The following EIF2AK2 variants were observed in gnomAD, a reference collection of about 807,000 sequenced individuals.
The protein encoded by EIF2AK2 is eukaryotic translation initiation factor 2 alpha kinase 2, also known as interferon-induced, double-stranded RNA-activated protein kinase.
A neutral mutation model predicts 70.5 loss-of-function variants in EIF2AK2; 40 were observed. The ratio of observed to expected loss-of-function variants is 0.57; its 90% confidence interval spans 0.44 to 0.74. EIF2AK2 has a LOEUF of 0.74. Ranked by LOEUF, EIF2AK2 falls within the 30% of genes least tolerant of loss-of-function variation. EIF2AK2 has a pLI of 0.00. For synonymous variants in EIF2AK2, 198 were observed against 220.9 expected, an observed-to-expected ratio of 0.90 and a Z score of 0.92; for missense variants, 555 against 644.3, an observed-to-expected ratio of 0.86 and a Z score of 1.50.
At chr2:37,150,543 G>A (rs1358354158) in intron 1 of EIF2AK2, among the ~76,000 whole-genome samples, 1 of 152,018 alleles carries the variant, frequency 6.6e-6, no homozygotes, top group Non-Finnish European at 1.5e-5. Context: ...AGATTGCTTT[G>A]CATGGCCATT....
chr2:37,101,717 A>G lies in EIF2AK2; in HGVS notation c.*5556T>C, dbSNP rs533743197. The G allele has an allele frequency of 6.6e-6, 1 of 152,334 alleles. No individual in the cohort carries two copies. Among genetic ancestry groups the G allele is most frequent in the African/African-American group, 2.4e-5 (1 of 41,580 alleles). The allele number at this position is 152,334 out of a possible 1,614,324, so 9.4% of individuals were successfully genotyped here. On this transcript the variant is annotated 3_prime_UTR_variant, in exon 17 of 17. Coordinates refer to ENST00000233057, the MANE Select transcript of EIF2AK2 (RefSeq NM_001135651.3). ...GAAAAGAACTAAAACGCAGGGGTAA[A>G]TTTTACAGAGTAAAGGAGACACATC...
At chr2:37,113,753 G>A (rs1674240149) in intron 14 of EIF2AK2, among the ~76,000 whole-genome samples, 1 of 152,016 alleles carries the variant, frequency 6.6e-6, no homozygotes, top group Non-Finnish European at 1.5e-5. Context: ...CTAAAAATCT[G>A]GAAAATACAA....
At chr2:37,143,586 C>A (rs185731928) in intron 4 of EIF2AK2, among the ~76,000 whole-genome samples, 1 of 152,004 alleles carries the variant, frequency 6.6e-6, no homozygotes, top group Non-Finnish European at 1.5e-5. Context: ...AACAATACAG[C>A]ATAACAACTA....
intron 10 of EIF2AK2, among the ~76,000 whole-genome samples, chr2:37,128,897 A>C (rs1674844383): frequency 6.6e-6 from 1 of 152,216 alleles, no homozygotes; most frequent in Admixed American, 6.5e-5. Flanking sequence ...TAAGGCAGTT[A>C]ATTATGAAAA....
At chr2:37,111,755 G>A (rs1674155638) in intron 14 of EIF2AK2, among the ~76,000 whole-genome samples, 1 of 148,952 alleles carries the variant, frequency 6.7e-6, no homozygotes, top group Non-Finnish European at 1.5e-5. Flanking sequence ...CTACTGAGGG[G>A]GCTGAGGCAG....
At chr2:37,146,638 A>C (rs572579270) in intron 4 of EIF2AK2, among the ~76,000 whole-genome samples, 1 of 152,314 alleles carries the variant, frequency 6.6e-6, no homozygotes, top group African/African-American at 2.4e-5. Context: ...CTGACACTCT[A>C]AATAACTATT....
chr2:37,150,011 G>A (rs1327555155), intron 1 of EIF2AK2, among the ~76,000 whole-genome samples: 1 of 152,076 alleles, frequency 6.6e-6, no homozygotes, highest in Non-Finnish European at 1.5e-5. Context: ...TGGATTTGTA[G>A]AAGAAGTCAC....
intron 8 of EIF2AK2, among the ~76,000 whole-genome samples, chr2:37,137,836 G>A (rs966915962): frequency 2.6e-5 from 4 of 152,114 alleles, no homozygotes; most frequent in African/African-American, 9.7e-5. Flanking sequence ...TGCCGAGCCG[G>A]GCGCGGTGGC....
At chr2:37,109,825 C>G (rs1674084238) in intron 14 of EIF2AK2, among the ~76,000 whole-genome samples, 1 of 152,192 alleles carries the variant, frequency 6.6e-6, no homozygotes, top group Non-Finnish European at 1.5e-5. Flanking sequence ...CAAAGAGTAC[C>G]TACTGTATGA....
rs1269275002 is a variant in EIF2AK2 at position 37,099,435 on chromosome 2, TGAA to T, written c.*7835_*7837del. ...CAGTGTAATGAAATTAGCAGTATAA[TGAA>T]GAAAAGTGCTGTGTAGGAATGACTG... On this transcript the variant is annotated 3_prime_UTR_variant, in exon 17 of 17. Transcript: ENST00000233057. The T allele has an allele frequency of 2.0e-5, 3 of 152,176 alleles. No homozygotes were observed. Among genetic ancestry groups the T allele is most frequent in the Admixed American group, 2.0e-4 (3 of 15,276 alleles). The allele number at this position is 152,176 out of a possible 1,614,324, so 9.4% of individuals were successfully genotyped here.
intron 1 of EIF2AK2, among the ~76,000 whole-genome samples, chr2:37,152,034 C>T (rs1675762663): frequency 6.6e-6 from 1 of 152,362 alleles, no homozygotes; most frequent in African/African-American, 2.4e-5. Context: ...CCACTGCACT[C>T]CAGCCTGCGC....
chr2:37,145,406 G>A (rs1437226670), intron 4 of EIF2AK2, among the ~76,000 whole-genome samples: 1 of 152,208 alleles, frequency 6.6e-6, no homozygotes, highest in Non-Finnish European at 1.5e-5. Context: ...GCCTCCCAAA[G>A]TGCCAGGATT....
At chr2:37,130,002 T>C (rs1431285012) in intron 10 of EIF2AK2, among the ~76,000 whole-genome samples, 1 of 152,198 alleles carries the variant, frequency 6.6e-6, no homozygotes, top group Non-Finnish European at 1.5e-5. Flanking sequence ...CAAATTTCAA[T>C]GAAGGATCCT....
chr2:37,128,134 C>T (rs1159932532), intron 10 of EIF2AK2, among the ~76,000 whole-genome samples: 1 of 152,152 alleles, frequency 6.6e-6, no homozygotes, highest in Non-Finnish European at 1.5e-5. Context: ...AAACCTGATG[C>T]CCAGCACAGT....
intron 6 of EIF2AK2, among the ~76,000 whole-genome samples, chr2:37,139,006 C>T (rs561272090): frequency 3.8e-4 from 58 of 151,154 alleles, no homozygotes; most frequent in Non-Finnish European, 7.7e-4. Flanking sequence ...TGTGTTGCCC[C>T]GGCCAGGTGG....
rs764180676 is a variant in EIF2AK2 at position 37,107,234 on chromosome 2, A to G, written c.*39T>C. On this transcript the variant is annotated 3_prime_UTR_variant, in exon 17 of 17. Transcript: ENST00000233057. ...AGCAGATTTTAGATAATTTAAGGAAAACTGCATATCAGAAGCAGGATACTT... is the reference window on the plus strand; with the variant it reads ...AGCAGATTTTAGATAATTTAAGGAAGACTGCATATCAGAAGCAGGATACTT... 1 of 1,589,078 alleles carries G rather than the reference A, an allele frequency of 6.3e-7. No homozygotes were observed. The highest frequency in any genetic ancestry group is 2.2e-5 in the East Asian group (1 of 44,582).
chr2:37,136,772 C>T, intron 9 of EIF2AK2: 1 of 384,516 alleles, frequency 2.6e-6, no homozygotes, highest in Non-Finnish European at 4.8e-6. Flanking sequence ...TAGCGATACC[C>T]CCAAAGTGCT....
At position 37,148,979 on chromosome 2, in the gene EIF2AK2, T is replaced by C; in HGVS notation, c.-139A>G. 1.2e-6 allele frequency: 1 copy of C among 843,148 alleles called. No individual in the cohort carries two copies. Among genetic ancestry groups the C allele is most frequent in the South Asian group, 1.3e-5 (1 of 75,696 alleles). The allele number at this position is 843,148 out of a possible 1,614,324, so 52.2% of individuals were successfully genotyped here. On this transcript the variant is annotated 5_prime_UTR_variant, in exon 2 of 17. Transcript: ENST00000233057. ...AGAACTGCTAAAGTTTTGAGGTCAT[T>C]ACAATTTACAAATCCAGGAAGGCAA...
intron 14 of EIF2AK2, among the ~76,000 whole-genome samples, chr2:37,111,564 A>T (rs1674147776): frequency 6.6e-6 from 1 of 151,692 alleles, no homozygotes. Context: ...CAAAAATATA[A>T]ACAATATGAC....
Sources: gnomAD v4.1 joint callset for allele counts (sites outside exome capture counted in the v4.1 genomes callset) on GRCh38, gnomAD v4.1.1 for gene constraint, MANE v1.5 for transcripts, NCBI Gene and HGNC (gene_info 2026-07-23, HGNC 2026-07-21) for gene names.